Variants in BARX2 observed in about 807,000 individuals in gnomAD.
BARX2 encodes BARX homeobox 2, also known as homeobox protein BarH-like 2.
Under a neutral mutation model 25.5 loss-of-function variants are expected in BARX2, and 11 were observed. The observed-to-expected ratio is 0.43, with a 90% CI of 0.27 to 0.71. The LOEUF is 0.71. Ranked by LOEUF, BARX2 falls within the 30% of genes least tolerant of loss-of-function variation. The pLI is 0.19. For missense variants in BARX2, 360 were observed against 359.9 expected (o/e 1.00, Z 0.00); for synonymous variants, 137 against 149.5 (o/e 0.92, Z 0.61).
chr11:129,404,850 C>T (rs559525303), intron 1 of BARX2, among the ~76,000 whole-genome samples: 1 of 152,326 alleles, frequency 6.6e-6, no homozygotes, highest in African/African-American at 2.4e-5. Context: ...AGCACTCTCT[C>T]AGCCTGTTTA....
intron 1 of BARX2, among the ~76,000 whole-genome samples, chr11:129,398,771 T>C (rs140514990): frequency 6.6e-6 from 1 of 152,364 alleles, no homozygotes; most frequent in Admixed American, 6.5e-5. Context: ...GCTCACTTTG[T>C]GTAGAACACA....
chr11:129,410,225 A>G (rs1861871836), intron 1 of BARX2, among the ~76,000 whole-genome samples: 1 of 152,012 alleles, frequency 6.6e-6, no homozygotes, highest in African/African-American at 2.4e-5. Context: ...TTTTTCCTCA[A>G]TTTGATCTTC....
chr11:129,432,702 T>C (rs1400521002), intron 1 of BARX2, among the ~76,000 whole-genome samples: 1 of 152,200 alleles, frequency 6.6e-6, no homozygotes, highest in Admixed American at 6.5e-5. Context: ...TTTGACAAAC[T>C]GAACATAAAA....
intron 2 of BARX2, among the ~76,000 whole-genome samples, chr11:129,440,885 A>G (rs1012033735): frequency 2.6e-5 from 4 of 152,330 alleles, no homozygotes; most frequent in East Asian, 3.9e-4. Context: ...ACAGACGGCA[A>G]TCCTCAGAAA....
intron 1 of BARX2, among the ~76,000 whole-genome samples, chr11:129,419,276 T>C (rs893327488): frequency 5.9e-5 from 9 of 151,966 alleles, no homozygotes; most frequent in African/African-American, 2.2e-4. Context: ...TATTTCAGTG[T>C]TTCATATTAG....
At position 129,438,786 on chromosome 11, in the gene BARX2, C is replaced by T. The variant is rs542532396; in HGVS notation, c.488+1735C>T. Among the ~76,000 whole-genome samples the T allele has an allele frequency of 3.9e-5, 6 of 152,290 alleles. No individual in the cohort carries two copies. In the South Asian group the frequency reaches 1.0e-3, roughly 26 times the overall value. Reference sequence around the variant, plus strand: ...AGGAACAAAGACGCAGCAAGCCAGGCGCTGGTGCCTGTGCATTGCTGAGTG... The same window carrying T: ...AGGAACAAAGACGCAGCAAGCCAGGTGCTGGTGCCTGTGCATTGCTGAGTG... On this transcript the variant is annotated intron_variant, in intron 2 of 3. Transcript: ENST00000281437.
In BARX2 at chr11:129,418,978, C is replaced by T. The variant is rs141414043; in HGVS notation, c.188-17773C>T. Among the ~76,000 whole-genome samples, 280 of 152,330 alleles carry T rather than the reference C, an allele frequency of 1.8e-3. 2 individuals carry two copies. The highest frequency in any genetic ancestry group is 6.4e-3 in the African/African-American group (267 of 41,580). The stretch of plus-strand genomic sequence containing the variant: ...TCCGTGTGGAGTTTGCACGTTCTCT[C>T]CATGTCTGCGTGGGTTTTCTCTGGG... On this transcript the variant is annotated intron_variant, in intron 1 of 3. Coordinates refer to ENST00000281437, the MANE Select transcript of BARX2 (RefSeq NM_003658.5).
intron 1 of BARX2, among the ~76,000 whole-genome samples, chr11:129,410,299 T>C (rs1861872502): frequency 6.6e-6 from 1 of 152,246 alleles, no homozygotes; most frequent in Admixed American, 6.5e-5. Context: ...TATTTCTTGT[T>C]CTCGAATTGT....
At chr11:129,451,052 T>C (rs1044246449) in intron 3 of BARX2, 84 bp from the exon 4 acceptor site, 2 of 1,507,400 alleles carry the variant, frequency 1.3e-6, no homozygotes, top group Non-Finnish European at 1.8e-6. Flanking sequence ...ATGGTTTAGA[T>C]GCAACGTGAG....
intron 2 of BARX2, among the ~76,000 whole-genome samples, chr11:129,441,637 T>TGG (rs56166720): frequency 5.9e-5 from 9 of 151,768 alleles, no homozygotes; most frequent in African/African-American, 1.9e-4. Context: ...TTAGTAGAGA[T>TGG]GGGGGTCTCA....
chr11:129,378,569 T>C (rs965955717), intron 1 of BARX2, among the ~76,000 whole-genome samples: 7 of 146,078 alleles, frequency 4.8e-5, no homozygotes, highest in African/African-American at 1.3e-4. Context: ...TTTTCTTTTT[T>C]TTTTTTTTTT....
intron 2 of BARX2, among the ~76,000 whole-genome samples, chr11:129,441,505 G>C (rs61911244): frequency 6.6e-6 from 1 of 152,098 alleles, no homozygotes; most frequent in Admixed American, 6.5e-5. Context: ...CTGCAGTGCC[G>C]TGGCGCCATC....
At chr11:129,397,660 T>A (rs773841464) in intron 1 of BARX2, among the ~76,000 whole-genome samples, 9 of 152,322 alleles carry the variant, frequency 5.9e-5, no homozygotes, top group Middle Eastern at 3.4e-3. Context: ...GATGTGAGCG[T>A]CAGAGCCCCT....
At chr11:129,411,294 C>T (rs990942683) in intron 1 of BARX2, among the ~76,000 whole-genome samples, 8 of 150,594 alleles carry the variant, frequency 5.3e-5, no homozygotes, top group Non-Finnish European at 1.2e-4. Flanking sequence ...TGGCGTGAAT[C>T]CGGGAAGCAG....
At chr11:129,446,081 T>TGCTGGTTGGGTACC (rs1862324732) in intron 3 of BARX2, among the ~76,000 whole-genome samples, 1 of 152,176 alleles carries the variant, frequency 6.6e-6, no homozygotes, top group African/African-American at 2.4e-5. Flanking sequence ...TGGTAACCTA[T>TGCTGGTTGGGTACC]AGCGGGTTGG....
intron 1 of BARX2, among the ~76,000 whole-genome samples, chr11:129,421,409 A>T (rs765945627): frequency 6.6e-6 from 1 of 152,218 alleles, no homozygotes; most frequent in Non-Finnish European, 1.5e-5. Context: ...TTTCCTCCTT[A>T]CTTCAACAGG....
chr11:129,437,064 G>A lies in BARX2; in HGVS notation c.488+13G>A. 1.3e-6 allele frequency: 2 copies of A among 1,536,254 alleles called. No individual in the cohort carries two copies. The highest frequency in any genetic ancestry group is 8.8e-7 in the Non-Finnish European group (1 of 1,137,524). On this transcript the variant is annotated intron_variant, in intron 2 of 3. Transcript: ENST00000281437. ...CAACCCCAGACAGGTGAGGACGCAG[G>A]GAAGGGACTCTCCGCAGTGAAGGCC...
chr11:129,424,322 G>A (rs1308718719), intron 1 of BARX2, among the ~76,000 whole-genome samples: 1 of 152,200 alleles, frequency 6.6e-6, no homozygotes, highest in Non-Finnish European at 1.5e-5. Flanking sequence ...TAAGCCTCAT[G>A]TTTTCTCCCA....
rs369231923 is a variant in BARX2 at position 129,395,267 on chromosome 11, A to AG, written c.187+19047dup. ...CCTAGAGAGTCTATTTAGTTCCCGT[A>AG]GGCTGGTTTCTGGGATTGACAATAT... On this transcript the variant is annotated intron_variant, in intron 1 of 3. Transcript: ENST00000281437. Among the ~76,000 whole-genome samples, 500 of 152,268 alleles carry AG rather than the reference A, an allele frequency of 3.3e-3. 1 individual carries two copies. The highest frequency in any genetic ancestry group is 0.012 in the African/African-American group (481 of 41,554).
Sources: allele counts gnomAD v4.1 joint callset (sites outside exome capture counted in the v4.1 genomes callset), GRCh38; gene constraint gnomAD v4.1.1; transcripts MANE v1.5; gene names NCBI Gene and HGNC (gene_info 2026-07-23, HGNC 2026-07-21).